SEZ6: variants seen among roughly 807,000 people sequenced by gnomAD.
SEZ6 encodes seizure related 6 homolog.
SEZ6 carries 53 observed loss-of-function variants against 101.0 expected under a neutral mutation model. The ratio of observed to expected loss-of-function variants is 0.52; its 90% CI spans 0.42 to 0.66. The LOEUF (loss-of-function observed/expected upper bound fraction) is 0.66. Ranked by LOEUF, SEZ6 falls within the 30% of genes least tolerant of loss-of-function variation. The pLI, the probability that SEZ6 is intolerant of heterozygous loss-of-function variation, is 0.00. For missense variants in SEZ6, 1,102 were observed against 1,289.4 expected, an observed-to-expected ratio of 0.85 and a Z score of 2.23; for synonymous variants, 488 against 512.2, an observed-to-expected ratio of 0.95 and a Z score of 0.64.
At chr17:28,966,551 G>T (rs1191248012) in intron 4 of SEZ6, among the ~76,000 whole-genome samples, 1 of 152,156 alleles carries the variant, frequency 6.6e-6, no homozygotes, top group African/African-American at 2.4e-5. Context: ...TCAAGGAGAG[G>T]CTGAGAGGCT....
chr17:28,974,595 A>G (rs1378623885), intron 3 of SEZ6, among the ~76,000 whole-genome samples: 3 of 152,218 alleles, frequency 2.0e-5, no homozygotes, highest in Non-Finnish European at 4.4e-5. Flanking sequence ...GAACCTTGTA[A>G]TCAGGGAAGT....
Position 28,959,093 on chromosome 17 carries a change from A to G in SEZ6, c.2039T>C (p.Ile680Thr). The change falls in exon 10 of 17, where the codon ATT becomes ACT. Residue 680 changes from isoleucine to threonine, a missense_variant. By Grantham distance (89) the Ile-to-Thr change is moderately conservative. Around this residue, in one of 3 missense-constraint regions of SEZ6, gnomAD observed 556 missense variants for 735.1 expected, o/e 0.76. Coordinates refer to ENST00000317338, the MANE Select transcript of SEZ6 (RefSeq NM_178860.5). The surrounding 1 kb of genome is among the most constrained non-coding windows in gnomAD (Gnocchi z 4.4). ...GGTCCCGGGGTCCGACTGGAACTGAATGGTGACATCAGCCATGGAGGTAAA... is the reference window on the plus strand; with the variant it reads ...GGTCCCGGGGTCCGACTGGAACTGAGTGGTGACATCAGCCATGGAGGTAAA... ...KLFTSMADVT[I>T]QFQSDPGTSV... 6.2e-7 allele frequency: 1 copy of G among 1,614,038 alleles called. No individual in the cohort carries two copies. The highest frequency in any genetic ancestry group is 8.5e-7 in the Non-Finnish European group (1 of 1,179,896).
At chr17:28,956,581 A>G (rs1171952323) in intron 14 of SEZ6, 114 bp from the exon 15 acceptor site, 25 of 1,474,918 alleles carry the variant, frequency 1.7e-5, no homozygotes. Flanking sequence ...GGCTGGGTGT[A>G]GGGAAGGAGC....
chr17:28,993,715 G>C (rs1044392507), intron 1 of SEZ6, among the ~76,000 whole-genome samples: 5 of 152,100 alleles, frequency 3.3e-5, no homozygotes, highest in African/African-American at 4.8e-5. Context: ...AGCAAGACAG[G>C]GCCATGAGGT....
chr17:28,960,978 T>G lies in SEZ6; in HGVS notation c.1241-5A>C. On this transcript the variant is annotated splice_region_variant and splice_polypyrimidine_tract_variant and intron_variant, in intron 5 of 16. Coordinates refer to ENST00000317338, the MANE Select transcript of SEZ6 (RefSeq NM_178860.5). ...GGATCACTCCGCCGCAAGCAGCTGT[T>G]AAGACCAGGACAGGACGTAGGCTAG... 1 of 1,612,072 alleles carries G rather than the reference T, an allele frequency of 6.2e-7. No homozygotes were observed. The highest frequency in any genetic ancestry group is 8.5e-7 in the Non-Finnish European group (1 of 1,179,336).
Position 29,005,764 on chromosome 17 carries a change from T to TG in SEZ6, c.55+50dup. The TG allele has an allele frequency of 1.4e-6, 2 of 1,464,032 alleles. No individual in the cohort carries two copies. The highest frequency in any genetic ancestry group is 3.0e-5 in the East Asian group (1 of 33,746). The allele number at this position is 1,464,032 out of a possible 1,614,324, so 90.7% of individuals were successfully genotyped here. A position where few individuals can be genotyped will look rare whatever the true frequency, so the allele number is the denominator to read the frequency against. On this transcript the variant is annotated intron_variant, in intron 1 of 16. Coordinates refer to ENST00000317338, the MANE Select transcript of SEZ6 (RefSeq NM_178860.5). The surrounding 1 kb of genome is among the most constrained non-coding windows in gnomAD (Gnocchi z 4.8). The stretch of plus-strand genomic sequence containing the variant: ...GGCACCGGGTCTCCCTTCCCACCCC[T>TG]GGGGCCCCGCTCCCGCCCCCGTCCT...
intron 3 of SEZ6, among the ~76,000 whole-genome samples, chr17:28,970,891 C>T (rs1444068689): frequency 1.3e-5 from 2 of 152,232 alleles, no homozygotes; most frequent in East Asian, 3.9e-4. Flanking sequence ...CTGGGCCTTA[C>T]ACCATGCCCC....
intron 1 of SEZ6, among the ~76,000 whole-genome samples, chr17:28,997,870 C>T (rs1598214084): frequency 6.6e-6 from 1 of 152,186 alleles, no homozygotes; most frequent in South Asian, 2.1e-4. Context: ...GACTCCCTGA[C>T]CAGCCTTCTT....
rs2040939218 is a variant in SEZ6 at position 28,959,418 on chromosome 17, C to T, written c.1826G>A (p.Trp609Ter). The change falls in exon 9 of 17, where the codon TGG becomes TAG. Residue 609 changes from tryptophan to a stop codon, truncating the protein, a stop_gained. Transcript: ENST00000317338. LOFTEE classifies it high-confidence loss of function. This position sits in a 1 kb window ranked among gnomAD's most constrained non-coding sequence, Gnocchi z 4.4. ...DSAGVVLSPN[W>*]PEPYGRGQDC... ...CTGCCCACGACCGTAGGGCTCTGGC[C>T]AGTTGGGAGAGAGTACCACGCCAGC... 2 of 1,613,792 alleles carry T rather than the reference C, an allele frequency of 1.2e-6. No individual in the cohort carries two copies. Among genetic ancestry groups the T allele is most frequent in the Non-Finnish European group, 8.5e-7 (1 of 1,179,880 alleles).
chr17:28,982,866 A>G (rs2041329959), intron 1 of SEZ6, among the ~76,000 whole-genome samples: 1 of 151,918 alleles, frequency 6.6e-6, no homozygotes, highest in African/African-American at 2.4e-5. Flanking sequence ...AGAGATGGAG[A>G]TCTCACTATG....
At chr17:28,991,888 A>C (rs1568000567) in intron 1 of SEZ6, among the ~76,000 whole-genome samples, 1 of 152,230 alleles carries the variant, frequency 6.6e-6, no homozygotes, top group Non-Finnish European at 1.5e-5. Flanking sequence ...CTGGAAGCTC[A>C]GAGCCAGTTT....
chr17:28,959,240 A>G lies in SEZ6; in HGVS notation c.1911-19T>C, dbSNP rs754064545. 11 of 1,612,100 alleles carry G rather than the reference A, an allele frequency of 6.8e-6. No individual in the cohort carries two copies. The highest frequency in any genetic ancestry group is 1.7e-5 in the Admixed American group (1 of 59,798). On this transcript the variant is annotated intron_variant, in intron 9 of 16. Coordinates refer to ENST00000317338, the MANE Select transcript of SEZ6 (RefSeq NM_178860.5). The surrounding 1 kb of genome is among the most constrained non-coding windows in gnomAD (Gnocchi z 4.4). ...GCGCAGCCTGTGAAGGAGGAGCGTC[A>G]GGGCAGAGCCGGCCTGGGGGCCCGA...
intron 1 of SEZ6, among the ~76,000 whole-genome samples, chr17:28,985,068 G>A (rs1419660795): frequency 2.0e-5 from 3 of 152,172 alleles, no homozygotes; most frequent in African/African-American, 4.8e-5. Context: ...GCAAGGACTC[G>A]CCTGAAGTCT....
chr17:28,994,851 T>G (rs1231005886), intron 1 of SEZ6, among the ~76,000 whole-genome samples: 1 of 151,620 alleles, frequency 6.6e-6, no homozygotes, highest in East Asian at 1.9e-4. Context: ...GGTGGGGGAC[T>G]GTGCTCTGTT....
chr17:28,982,021 G>C lies in SEZ6; in HGVS notation c.74C>G (p.Pro25Arg). 1.9e-6 allele frequency: 3 copies of C among 1,602,276 alleles called. No homozygotes were observed. The South Asian group carries it at 3.3e-5, about 18-fold the overall frequency. ...TGGGGCTTGTCCTTTCCCCACGGTT[G>C]GGGCCTCTAAAGAGAGTCCTGAAAT... ...LLAHGLSLEAPTVGKGQAPGI... is the reference protein window; with the variant it reads ...LLAHGLSLEARTVGKGQAPGI... Residue 25 changes from proline to arginine, a missense_variant, in exon 2 of 17, where the codon CCA becomes CGA. Coordinates refer to ENST00000317338, the MANE Select transcript of SEZ6 (RefSeq NM_178860.5).
intron 4 of SEZ6, among the ~76,000 whole-genome samples, chr17:28,968,404 C>T (rs984069718): frequency 1.3e-5 from 2 of 152,234 alleles, no homozygotes; most frequent in Admixed American, 1.3e-4. Context: ...GCCATTCAGC[C>T]ACCTTTGTCT....
At chr17:28,961,076 G>A in intron 5 of SEZ6, 103 bp from the exon 6 acceptor site, 1 of 1,422,640 alleles carries the variant, frequency 7.0e-7, no homozygotes, top group East Asian at 2.3e-5. Context: ...GCTTGGAGCA[G>A]CGGGGACCTT....
chr17:28,956,135 G>A, intron 16 of SEZ6, 24 bp downstream of exon 16: 1 of 1,603,686 alleles, frequency 6.2e-7, no homozygotes, highest in African/African-American at 1.3e-5. Flanking sequence ...TGGATAGGGT[G>A]GCAAGGCTGG....
intron 7 of SEZ6, chr17:28,960,180 T>C (rs938968108): frequency 1.0e-5 from 6 of 573,390 alleles, no homozygotes; most frequent in African/African-American, 9.4e-5. Flanking sequence ...AATCAATGCA[T>C]GCATGCATAA....
Sources: gnomAD v4.1 joint callset for allele counts (sites outside exome capture counted in the v4.1 genomes callset) on GRCh38, gnomAD v4.1.1 for gene constraint, gnomAD v4.1.1 regional missense constraint, Gnocchi (gnomAD v3.1) non-coding constraint, MANE v1.5 for transcripts, NCBI Gene and HGNC (gene_info 2026-07-23, HGNC 2026-07-21) for gene names.